ZFAND4: variants seen among roughly 807,000 people sequenced by gnomAD.
ZFAND4 encodes zinc finger AN1-type containing 4.
In ZFAND4, 43 loss-of-function variants were observed where a neutral mutation model predicts 64.4. The ratio of observed to expected loss-of-function variants is 0.67; its 90% CI spans 0.52 to 0.86. ZFAND4 has a LOEUF of 0.86. ZFAND4 is among the 40% of genes least tolerant of loss of function. The pLI is 0.00. For missense variants in ZFAND4, 929 were observed against 859.8 expected, an observed-to-expected ratio of 1.08 and a Z score of -1.01; for synonymous variants, 296 against 305.7, an observed-to-expected ratio of 0.97 and a Z score of 0.33.
intron 3 of ZFAND4, among the ~76,000 whole-genome samples, 154 bp downstream of exon 3, chr10:45,652,830 A>T (rs531182023): frequency 6.6e-6 from 1 of 152,338 alleles, no homozygotes; most frequent in African/African-American, 2.4e-5. Context: ...TACCAAACTA[A>T]TGCATCTAAA....
chr10:45,652,261 G>T (rs2047807557), intron 3 of ZFAND4, among the ~76,000 whole-genome samples: 1 of 152,072 alleles, frequency 6.6e-6, no homozygotes, highest in Non-Finnish European at 1.5e-5. Context: ...AAACATACTG[G>T]AAAAGACCTC....
At chr10:45,667,067 G>A (rs952125642) in intron 1 of ZFAND4, among the ~76,000 whole-genome samples, 5 of 152,152 alleles carry the variant, frequency 3.3e-5, no homozygotes, top group African/African-American at 4.8e-5. Flanking sequence ...TGTAGATTTG[G>A]AGAGTACTGC....
At chr10:45,628,458 G>A (rs1343672226) in intron 6 of ZFAND4, among the ~76,000 whole-genome samples, 1 of 152,044 alleles carries the variant, frequency 6.6e-6, no homozygotes, top group East Asian at 1.9e-4. Context: ...ATGGGCACCC[G>A]CCACCATGTC....
chr10:45,628,815 C>T (rs2046008247), intron 6 of ZFAND4, among the ~76,000 whole-genome samples: 1 of 149,704 alleles, frequency 6.7e-6, no homozygotes, highest in Non-Finnish European at 1.5e-5. Context: ...TCAAAATATT[C>T]CCCAATCCAA....
At chr10:45,649,411 C>A (rs1461559470) in intron 4 of ZFAND4, among the ~76,000 whole-genome samples, 3 of 152,118 alleles carry the variant, frequency 2.0e-5, no homozygotes, top group Non-Finnish European at 4.4e-5. Flanking sequence ...CATCATACTG[C>A]AGAAACATCT....
chr10:45,669,858 C>A lies in ZFAND4; in HGVS notation c.-118+2392G>T, dbSNP rs185787050. 8.3e-3 allele frequency among the ~76,000 whole-genome samples: 1,271 copies of A among 152,262 alleles called. 9 individuals are homozygous for A. Among genetic ancestry groups the A allele is most frequent in the Non-Finnish European group, 0.013 (891 of 68,018 alleles). ...CTTCATGCTAAAAACTCTTAATAAA[C>A]TAGGTATTGATGGAACGTATCTCAA... is the stretch of plus-strand genomic sequence containing the variant. On this transcript the variant is annotated intron_variant, in intron 1 of 9. Transcript: ENST00000344646.
chr10:45,672,197 G>A (rs895469287), intron 1 of ZFAND4, 53 bp downstream of exon 1: 2 of 152,246 alleles, frequency 1.3e-5, no homozygotes, highest in African/African-American at 4.8e-5. Context: ...TCTGCAAGCG[G>A]AATTGGGAAG....
intron 5 of ZFAND4, among the ~76,000 whole-genome samples, chr10:45,643,718 A>C (rs2133735009): frequency 6.6e-6 from 1 of 152,090 alleles, no homozygotes; most frequent in Non-Finnish European, 1.5e-5. Flanking sequence ...ATGATCCACT[A>C]AAAAGATTTG....
At chr10:45,652,069 T>C (rs770698171) in intron 3 of ZFAND4, 36 bp from the exon 4 acceptor site, 7 of 1,599,764 alleles carry the variant, frequency 4.4e-6, no homozygotes, top group Admixed American at 1.7e-5. Context: ...ATCATAATCA[T>C]CAAAATGCAT....
At chr10:45,661,542 C>T (rs1204498531) in intron 2 of ZFAND4, among the ~76,000 whole-genome samples, 4 of 152,188 alleles carry the variant, frequency 2.6e-5, no homozygotes, top group Non-Finnish European at 5.9e-5. Context: ...CTCATCTCTG[C>T]CCTCCGTATT....
chr10:45,641,394 T>C (rs1170541650), intron 5 of ZFAND4, among the ~76,000 whole-genome samples: 1 of 152,172 alleles, frequency 6.6e-6, no homozygotes. Flanking sequence ...TATATGGTTG[T>C]AAGAAATGGA....
In ZFAND4 at chr10:45,616,429, G is replaced by A. The variant is rs776361271; in HGVS notation, c.*7C>T. The A allele has an allele frequency of 1.2e-6, 2 of 1,614,018 alleles. No individual in the cohort carries two copies. The highest frequency in any genetic ancestry group is 3.3e-5 in the Admixed American group (2 of 60,004). ...CCCGGGCAGAACAGTAAGATGTAGA[G>A]GAAGAGTTAGATTTTTGGAAGCTTT... On this transcript the variant is annotated 3_prime_UTR_variant, in exon 10 of 10. Transcript: ENST00000344646.
At chr10:45,617,591 G>GAA (rs11362238) in intron 9 of ZFAND4, among the ~76,000 whole-genome samples, 2,881 of 71,010 alleles carry the variant, frequency 0.041, 138 homozygotes, top group Non-Finnish European at 0.05. Flanking sequence ...TTACAGTACT[G>GAA]AAAAAAAAAA....
At chr10:45,642,285 CACAT>C (rs2047053773) in intron 5 of ZFAND4, among the ~76,000 whole-genome samples, 1 of 151,802 alleles carries the variant, frequency 6.6e-6, no homozygotes, top group Non-Finnish European at 1.5e-5. Flanking sequence ...TATATACACA[CACAT>C]ACATACACAC....
chr10:45,651,376 T>C (rs1250791635), intron 4 of ZFAND4: 2 of 329,062 alleles, frequency 6.1e-6, no homozygotes, highest in African/African-American at 2.2e-5. Flanking sequence ...ACACATTTAT[T>C]GTAGGCACTG....
chr10:45,667,460 T>A, intron 1 of ZFAND4, among the ~76,000 whole-genome samples: 1 of 50,848 alleles, frequency 2.0e-5, no homozygotes, highest in African/African-American at 8.3e-5. Context: ...TTTTCTTTCT[T>A]TTTTTTTTTT....
At chr10:45,623,593 A>C (rs1385021714) in intron 8 of ZFAND4, among the ~76,000 whole-genome samples, 1 of 152,230 alleles carries the variant, frequency 6.6e-6, no homozygotes, top group East Asian at 1.9e-4. Context: ...AGGTACTTAG[A>C]GTACCTAAAA....
chr10:45,646,792 C>T (rs147468234), intron 5 of ZFAND4, among the ~76,000 whole-genome samples: 25 of 152,262 alleles, frequency 1.6e-4, no homozygotes, highest in African/African-American at 5.3e-4. Flanking sequence ...AGCCAGCACA[C>T]GGCAAAACTG....
chr10:45,627,663 C>T (rs1444386596), intron 6 of ZFAND4, among the ~76,000 whole-genome samples: 1 of 152,130 alleles, frequency 6.6e-6, no homozygotes. Flanking sequence ...CGCAATAATA[C>T]AGTTCATGAT....
Sources: gnomAD v4.1 joint callset for allele counts (sites outside exome capture counted in the v4.1 genomes callset) on GRCh38, gnomAD v4.1.1 for gene constraint, MANE v1.5 for transcripts, NCBI Gene and HGNC (gene_info 2026-07-23, HGNC 2026-07-21) for gene names.